Variants in CFI observed in about 807,000 individuals in gnomAD.
The protein encoded by CFI is complement factor I, also known as C3B/C4B inactivator.
Under a neutral mutation model 78.8 loss-of-function variants are expected in CFI, and 66 were observed. That is an observed-to-expected ratio of 0.84 (90% CI 0.69 to 1.03). The LOEUF is 1.03. Among genes scored for constraint, CFI ranks in the 50% least tolerant of loss-of-function variants. CFI has a pLI of 0.00. For synonymous variants in CFI, 250 were observed against 232.6 expected (o/e 1.07, Z -0.68); for missense variants, 706 against 704.5 (o/e 1.00, Z -0.02).
intron 7 of CFI, among the ~76,000 whole-genome samples, chr4:109,753,498 A>AT (rs1229438408): frequency 1.4e-5 from 1 of 69,032 alleles, no homozygotes; most frequent in African/African-American, 5.9e-5. Context: ...AAATATTTAT[A>AT]ATATATTTAT....
rs1172411827 is a variant in CFI, at chr4:109,749,568, T to C, written c.975A>G (p.Leu325=). The part of the protein sequence containing the change: ...RRRIKSLLPK[L]SCGVKNRMHI... ...GCATTCTGTTTTTAACTCCACAAGA[T>C]AGTTTAGGTAATAATGATTTTATCC... Residue 325 remains leucine (L), a synonymous_variant, in exon 9 of 13, where the codon CTA becomes CTG. Transcript: ENST00000394634. 6.2e-7 allele frequency: 1 copy of C among 1,611,168 alleles called. No individual in the cohort carries two copies.
At chr4:109,748,170 G>A (rs908889064) in intron 10 of CFI, among the ~76,000 whole-genome samples, 1 of 152,198 alleles carries the variant, frequency 6.6e-6, no homozygotes, top group Non-Finnish European at 1.5e-5. Flanking sequence ...TGTTCAGGAA[G>A]CTTTTGTTTA....
chr4:109,747,435 G>A (rs1233756636), intron 10 of CFI, among the ~76,000 whole-genome samples: 2 of 152,134 alleles, frequency 1.3e-5, no homozygotes, highest in African/African-American at 2.4e-5. Context: ...GGGATTATAG[G>A]CGTGAGCCAC....
chr4:109,733,024 T>C, the CFI span, among the ~76,000 whole-genome samples: 1 of 151,374 alleles, frequency 6.6e-6, no homozygotes, highest in Non-Finnish European at 1.5e-5. Flanking sequence ...CAGGCTGGAG[T>C]ACAGTGGCAC....
chr4:109,761,580 T>C lies in CFI; in HGVS notation c.595A>G (p.Thr199Ala). 1 of 1,614,132 alleles carries C rather than the reference T, an allele frequency of 6.2e-7. No homozygotes were observed. The highest frequency in any genetic ancestry group is 1.6e-4 in the Middle Eastern group (1 of 6,062). The change falls in exon 4 of 13, where the codon ACT becomes GCT. Residue 199 changes from threonine (T) to alanine (A), a missense_variant. Thr to Ala is a moderately conservative substitution (Grantham distance 58). Transcript: ENST00000394634. ...LETSLAECTF[T>A]KRRTMGYQDF... The stretch of plus-strand genomic sequence containing the variant: ...TGGTAACCCATAGTTCTTCTCTTAG[T>C]AAAAGTACATTCAGCCAAACTGGTC...
At chr4:109,743,173 C>T (rs1724011660) in intron 11 of CFI, among the ~76,000 whole-genome samples, 1 of 152,196 alleles carries the variant, frequency 6.6e-6, no homozygotes, top group South Asian at 2.1e-4. Context: ...GCTGGGATTA[C>T]AGGCATGAGC....
chr4:109,785,486 A>G (rs938149577), intron 1 of CFI, among the ~76,000 whole-genome samples: 5 of 151,888 alleles, frequency 3.3e-5, no homozygotes, highest in Non-Finnish European at 7.4e-5. Flanking sequence ...CATATTCAGA[A>G]ATTTATTTAC....
At chr4:109,748,134 AG>A (rs1213469253) in intron 10 of CFI, among the ~76,000 whole-genome samples, 2 of 152,204 alleles carry the variant, frequency 1.3e-5, no homozygotes, top group Non-Finnish European at 1.5e-5. Flanking sequence ...CCACCTTAAA[AG>A]GTGGTGTCCT....
intron 1 of CFI, among the ~76,000 whole-genome samples, chr4:109,798,085 G>T (rs925339558): frequency 6.6e-6 from 1 of 152,166 alleles, no homozygotes; most frequent in Non-Finnish European, 1.5e-5. Context: ...GCAGGGACAG[G>T]AGGATAAATA....
At chr4:109,738,491 G>A (rs1349867701), downstream of CFI, among the ~76,000 whole-genome samples, 2 of 152,126 alleles carry the variant, frequency 1.3e-5, no homozygotes, top group African/African-American at 4.8e-5. Flanking sequence ...GGACAAGGTG[G>A]TTTTCAAATA....
At chr4:109,751,438 CTTTTTT>C (rs66497003) in intron 8 of CFI, among the ~76,000 whole-genome samples, 10 of 100,354 alleles carry the variant, frequency 1.0e-4, no homozygotes, top group African/African-American at 1.6e-4. Flanking sequence ...AGAGCTAAAT[CTTTTTT>C]TTTTTTTTTT....
intron 1 of CFI, among the ~76,000 whole-genome samples, chr4:109,801,623 G>A (rs1398891967): frequency 6.6e-6 from 1 of 152,074 alleles, no homozygotes; most frequent in Non-Finnish European, 1.5e-5. Context: ...GGAGGAGCCT[G>A]GTAAATATTT....
chr4:109,771,197 C>T (rs1728540496), intron 1 of CFI, among the ~76,000 whole-genome samples: 1 of 150,920 alleles, frequency 6.6e-6, no homozygotes, highest in Non-Finnish European at 1.5e-5. Context: ...CGAGACCAGC[C>T]AGGCCAGCAT....
chr4:109,754,396 T>C (rs1725848809), intron 7 of CFI, among the ~76,000 whole-genome samples: 1 of 145,668 alleles, frequency 6.9e-6, no homozygotes, highest in African/African-American at 2.5e-5. Flanking sequence ...GCATTAGGCA[T>C]CTGGGATGCA....
At chr4:109,771,714 CAAAAA>C (rs149565381) in intron 1 of CFI, among the ~76,000 whole-genome samples, 40 of 18,108 alleles carry the variant, frequency 2.2e-3, no homozygotes, top group African/African-American at 6.4e-3. Context: ...ACTCCATCAC[CAAAAA>C]AAAAAAAAAA....
intron 1 of CFI, among the ~76,000 whole-genome samples, chr4:109,791,122 C>G (rs769898379): frequency 2.5e-4 from 38 of 152,060 alleles, no homozygotes; most frequent in Non-Finnish European, 8.8e-5. Flanking sequence ...TTTTTTTGGA[C>G]TTTTTAATAG....
At chr4:109,789,943 A>T (rs1327776531) in intron 1 of CFI, among the ~76,000 whole-genome samples, 1 of 152,020 alleles carries the variant, frequency 6.6e-6, no homozygotes, top group Non-Finnish European at 1.5e-5. Context: ...ATCTGGTTAC[A>T]GATATTTCTT....
chr4:109,770,199 G>T (rs994899406), intron 1 of CFI, among the ~76,000 whole-genome samples: 1 of 152,110 alleles, frequency 6.6e-6, no homozygotes, highest in African/African-American at 2.4e-5. Context: ...GAAACTTTAA[G>T]GAAATGGGAA....
rs267599981 is a variant in CFI, at chr4:109,764,645, C to T, written c.374G>A (p.Gly125Glu). Residue 125 changes from glycine to glutamate, a missense_variant, in exon 3 of 13, where the codon GGA (glycine) becomes GAA (glutamate). Coordinates refer to ENST00000394634, the MANE Select transcript of CFI (RefSeq NM_000204.5). ...SLKHGNTDSEGIVEVKLVDQD... is the reference protein window; with the variant it reads ...SLKHGNTDSEEIVEVKLVDQD... Reference sequence around the variant, plus strand: ...GTCCACAAGTTTTACTTCAACTATTCCCTCTGAATCTGTATTTCCATGCTT... The same window carrying T: ...GTCCACAAGTTTTACTTCAACTATTTCCTCTGAATCTGTATTTCCATGCTT... 6.2e-7 allele frequency: 1 copy of T among 1,614,050 alleles called. No homozygotes were observed. Among genetic ancestry groups the T allele is most frequent in the Non-Finnish European group, 8.5e-7 (1 of 1,179,990 alleles).
Sources: allele counts gnomAD v4.1 joint callset (sites outside exome capture counted in the v4.1 genomes callset), GRCh38; gene constraint gnomAD v4.1.1; transcripts MANE v1.5; gene names NCBI Gene and HGNC (gene_info 2026-07-23, HGNC 2026-07-21).